The following SLC24A2 variants were observed in gnomAD, a reference collection of about 807,000 sequenced individuals.
SLC24A2 encodes the protein solute carrier family 24 member 2, also known as sodium/potassium/calcium exchanger 2.
Under a neutral mutation model 62.0 loss-of-function variants are expected in SLC24A2, and 36 were observed. The observed-to-expected ratio is 0.58, with a 90% CI of 0.44 to 0.77. The LOEUF is 0.77. Among genes scored for constraint, SLC24A2 ranks in the 30% least tolerant of loss-of-function variants. SLC24A2 has a pLI of 0.00. For synonymous variants in SLC24A2, 358 were observed against 294.0 expected (o/e 1.22, Z -2.23); for missense variants, 846 against 817.9 (o/e 1.03, Z -0.42).
the SLC24A2 span, among the ~76,000 whole-genome samples, chr9:19,916,753 G>A: frequency 1.3e-5 from 2 of 151,824 alleles, no homozygotes; most frequent in Non-Finnish European, 2.9e-5. Flanking sequence ...TGGACACGTA[G>A]GCTATTTCTA....
upstream of SLC24A2, among the ~76,000 whole-genome samples, chr9:19,790,782 C>G (rs1282172343): frequency 6.6e-6 from 1 of 152,140 alleles, no homozygotes; most frequent in East Asian, 1.9e-4. Context: ...TGTCTACTTT[C>G]CTAGTTTAAC....
the SLC24A2 span, among the ~76,000 whole-genome samples, chr9:20,008,021 G>A: frequency 1.4e-5 from 2 of 148,094 alleles, no homozygotes; most frequent in African/African-American, 2.5e-5. Flanking sequence ...TCAGTCCCCC[G>A]AGTAGCTGAG....
chr9:19,675,052 C>A (rs1370830257), intron 2 of SLC24A2, among the ~76,000 whole-genome samples: 1 of 152,126 alleles, frequency 6.6e-6, no homozygotes, highest in Admixed American at 6.5e-5. Context: ...AGGGTGCTCC[C>A]TTGAGGTAGT....
chr9:19,999,089 G>A, the SLC24A2 span, among the ~76,000 whole-genome samples: 1 of 152,226 alleles, frequency 6.6e-6, no homozygotes, highest in Non-Finnish European at 1.5e-5. Context: ...TTGTTCATCT[G>A]TAAAATGAAG....
intron 5 of SLC24A2, among the ~76,000 whole-genome samples, chr9:19,591,084 A>T (rs1246406880): frequency 6.6e-6 from 1 of 152,024 alleles, no homozygotes; most frequent in Non-Finnish European, 1.5e-5. Context: ...CCAGGGCTCA[A>T]TTCTTGGCCT....
At chr9:20,036,304 C>T in the SLC24A2 span, among the ~76,000 whole-genome samples, 2 of 152,096 alleles carry the variant, frequency 1.3e-5, no homozygotes, top group Admixed American at 1.3e-4. Context: ...CTATCCGTTA[C>T]CTCAAATATT....
the SLC24A2 span, among the ~76,000 whole-genome samples, chr9:20,182,879 C>A: frequency 1.3e-5 from 2 of 152,010 alleles, no homozygotes; most frequent in Non-Finnish European, 2.9e-5. Context: ...AAAATGGTAA[C>A]AATAGGTATA....
the SLC24A2 span, among the ~76,000 whole-genome samples, chr9:20,185,932 C>T: frequency 6.6e-6 from 1 of 152,142 alleles, no homozygotes; most frequent in Admixed American, 6.5e-5. Context: ...GTATGCCAGT[C>T]CCTCTCCAAG....
chr9:19,852,019 C>T, the SLC24A2 span, among the ~76,000 whole-genome samples: 1 of 152,138 alleles, frequency 6.6e-6, no homozygotes, highest in African/African-American at 2.4e-5. Context: ...TAATAATCAC[C>T]ATTCTGGCTG....
chr9:20,225,095 G>C, the SLC24A2 span, among the ~76,000 whole-genome samples: 1 of 152,022 alleles, frequency 6.6e-6, no homozygotes, highest in African/African-American at 2.4e-5. Context: ...CTTCCTTACA[G>C]GTTTTCCCTA....
At chr9:19,695,676 TAGCA>T (rs1820168593) in intron 2 of SLC24A2, among the ~76,000 whole-genome samples, 1 of 52,408 alleles carries the variant, frequency 1.9e-5, no homozygotes, top group Admixed American at 2.7e-4. Flanking sequence ...TGCTTGTTAG[TAGCA>T]AAAAAAAAAA....
the SLC24A2 span, among the ~76,000 whole-genome samples, chr9:19,924,601 G>C: frequency 6.6e-6 from 1 of 152,114 alleles, no homozygotes; most frequent in East Asian, 1.9e-4. Context: ...GACCCCATGA[G>C]GGTGTGACTC....
At chr9:20,111,381 C>G in the SLC24A2 span, among the ~76,000 whole-genome samples, 1 of 152,166 alleles carries the variant, frequency 6.6e-6, no homozygotes, top group African/African-American at 2.4e-5. Flanking sequence ...CTCTTGAGAT[C>G]TAGGGTTAGT....
At chr9:20,159,211 C>T in the SLC24A2 span, among the ~76,000 whole-genome samples, 2 of 151,602 alleles carry the variant, frequency 1.3e-5, no homozygotes, top group African/African-American at 4.8e-5. Context: ...TACACACGAA[C>T]CATTCCTGAA....
chr9:19,525,535 C>T (rs1013424334), intron 9 of SLC24A2, among the ~76,000 whole-genome samples: 3 of 151,362 alleles, frequency 2.0e-5, no homozygotes, highest in Non-Finnish European at 4.4e-5. Context: ...TCCCGAGTAG[C>T]TGGGACTACA....
chr9:20,301,723 A>C, the SLC24A2 span, among the ~76,000 whole-genome samples: 1 of 152,074 alleles, frequency 6.6e-6, no homozygotes, highest in Non-Finnish European at 1.5e-5. Flanking sequence ...ATTTGTTACA[A>C]CTGTCAGCCA....
the SLC24A2 span, among the ~76,000 whole-genome samples, chr9:20,264,985 C>T: frequency 2.7e-4 from 41 of 152,316 alleles, no homozygotes; most frequent in African/African-American, 9.1e-4. Context: ...AGGATTCACC[C>T]GTGCTCCCAG....
In SLC24A2 at chr9:19,550,159, G is replaced by A. The variant is rs977853370; in HGVS notation, c.1457C>T (p.Thr486Met). 1.4e-5 allele frequency: 22 copies of A among 1,613,908 alleles called. No individual in the cohort carries two copies. The highest frequency in any genetic ancestry group is 1.3e-5 in the African/African-American group (1 of 74,924). ...TACAGGTTTGCGAACGTCAGGTAAC[G>A]TAATCCAGAGAGGAAACACTATGGG... ...VFPIVFPLWI[T>M]LPDVRKPSSR... Residue 486 changes from threonine to methionine, a missense_variant, in exon 8 of 11, where the codon ACG (threonine) becomes ATG (methionine). Coordinates refer to ENST00000341998, the MANE Select transcript of SLC24A2 (RefSeq NM_020344.4).
chr9:19,838,984 C>G, the SLC24A2 span, among the ~76,000 whole-genome samples: 3 of 152,120 alleles, frequency 2.0e-5, no homozygotes, highest in African/African-American at 7.2e-5. Flanking sequence ...TTTTTGCAAT[C>G]TGCTCATCTG....
Sources: gnomAD v4.1 joint callset for allele counts (sites outside exome capture counted in the v4.1 genomes callset) on GRCh38, gnomAD v4.1.1 for gene constraint, MANE v1.5 for transcripts, NCBI Gene and HGNC (gene_info 2026-07-23, HGNC 2026-07-21) for gene names.